Variants in MESP1 observed in about 807,000 individuals in gnomAD.
MESP1 encodes mesoderm posterior protein 1.
MESP1 carries 22 observed loss-of-function variants against 15.2 expected under a neutral mutation model. That is an observed-to-expected ratio of 1.45 (90% confidence interval 1.04 to 2.07). MESP1 has a LOEUF of 2.07. Among genes scored for constraint, MESP1 ranks in the 30% most tolerant of loss-of-function variants. MESP1 has a pLI of 0.00. For missense variants in MESP1, 484 were observed against 411.9 expected (o/e 1.17, Z -1.51); for synonymous variants, 216 against 192.6 (o/e 1.12, Z -1.01).
the MESP1 span, among the ~76,000 whole-genome samples, chr15:89,735,739 A>G: frequency 2.0e-5 from 3 of 152,256 alleles, no homozygotes; most frequent in Admixed American, 2.0e-4. Flanking sequence ...TCATTTGGGA[A>G]GACAGAGAAG....
chr15:89,736,343 G>A, the MESP1 span, among the ~76,000 whole-genome samples: 1 of 152,172 alleles, frequency 6.6e-6, no homozygotes, highest in Non-Finnish European at 1.5e-5. Context: ...CGGAGGGTGA[G>A]GGGCCTACAG....
downstream of MESP1, chr15:89,748,594 A>T (rs1386742099): frequency 6.6e-6 from 1 of 152,278 alleles, no homozygotes; most frequent in Non-Finnish European, 1.5e-5. Flanking sequence ...CGAAGTTCTG[A>T]CACAGGAGGC....
chr15:89,750,346 G>T, intron 1 of MESP1, 119 bp from the exon 2 acceptor site: 1 of 1,514,122 alleles, frequency 6.6e-7, no homozygotes. Context: ...TCCTCTGCGT[G>T]GCCTTTCCCT....
downstream of MESP1, chr15:89,748,895 G>GA (rs1968025806): frequency 6.6e-6 from 1 of 152,152 alleles, no homozygotes; most frequent in Non-Finnish European, 1.5e-5. Context: ...TATGGTATGT[G>GA]AATTGTATCC....
At chr15:89,735,596 T>C in the MESP1 span, 2 of 1,582,596 alleles carry the variant, frequency 1.3e-6, no homozygotes, top group Non-Finnish European at 1.7e-6. Flanking sequence ...ATGCCTCTCA[T>C]TTCTCTTCTG....
At chr15:89,748,241 C>A (rs1179009773), downstream of MESP1, among the ~76,000 whole-genome samples, 3 of 152,190 alleles carry the variant, frequency 2.0e-5, no homozygotes, top group African/African-American at 7.2e-5. Context: ...CCACTCTACC[C>A]CAGTTAGGGT....
At position 89,750,961 on chromosome 15, in the gene MESP1, C is replaced by G. The variant is rs754799126; in HGVS notation, c.271G>C (p.Glu91Gln). The G allele has an allele frequency of 1.4e-6, 2 of 1,443,394 alleles. No homozygotes were observed. Among genetic ancestry groups the G allele is most frequent in the African/African-American group, 2.9e-5 (2 of 68,006 alleles). 89.4% of individuals were successfully genotyped at this position (1,443,394 alleles called of 1,614,324 possible). A position where few individuals can be genotyped will look rare whatever the true frequency, so the allele number is the denominator to read the frequency against. The change falls in exon 1 of 2, where the codon GAG (glutamate) becomes CAG (glutamine). Residue 91 changes from glutamate to glutamine, a missense_variant. Transcript: ENST00000300057. Reference protein sequence around the residue: ...SGQRQSASEREKLRMRTLARA... With the variant: ...SGQRQSASERQKLRMRTLARA... ...GCCAGCGTGCGCATGCGCAGTTTCT[C>G]CCGCTCACTGGCGCTCTGCCTCTGC...
chr15:89,744,550 T>C, the MESP1 span, among the ~76,000 whole-genome samples: 2 of 152,240 alleles, frequency 1.3e-5, no homozygotes, highest in African/African-American at 2.4e-5. Flanking sequence ...ATTTAAGCTT[T>C]AAGCAACCTT....
intron 1 of MESP1, 111 bp from the exon 2 acceptor site, chr15:89,750,338 C>T (rs2141754599): frequency 1.3e-6 from 2 of 1,531,706 alleles, no homozygotes; most frequent in Non-Finnish European, 1.8e-6. Flanking sequence ...AGACCCAGTC[C>T]TCTGCGTGGC....
At position 89,751,030 on chromosome 15, in the gene MESP1, A is replaced by C; in HGVS notation, c.202T>G (p.Ser68Ala). 1 of 1,349,314 alleles carries C rather than the reference A, an allele frequency of 7.4e-7. No individual in the cohort carries two copies. 83.6% of individuals were successfully genotyped at this position (1,349,314 alleles called of 1,614,324 possible). A position where few individuals can be genotyped will look rare whatever the true frequency, so the allele number is the denominator to read the frequency against. Residue 68 changes from serine (S) to alanine (A), a missense_variant, in exon 1 of 2, where the codon TCC (serine) becomes GCC (alanine). Ser to Ala is a moderately conservative substitution (Grantham distance 99, BLOSUM62 1). Transcript: ENST00000300057. ...CTGCGCGCGCCGCGCCTACCTACGGAGGGGGCGCGGGGGTCCCGGAGGGTG... is the reference window on the plus strand; with the variant it reads ...CTGCGCGCGCCGCGCCTACCTACGGCGGGGGCGCGGGGGTCCCGGAGGGTG... ...PGTLRDPRAP[S>A]VGRRGARSSR...
At chr15:89,736,104 G>C in the MESP1 span, among the ~76,000 whole-genome samples, 1 of 152,222 alleles carries the variant, frequency 6.6e-6, no homozygotes, top group Non-Finnish European at 1.5e-5. Flanking sequence ...GTGTGGGATG[G>C]GGCTCAAACA....
downstream of MESP1, among the ~76,000 whole-genome samples, chr15:89,747,003 A>C (rs1286359302): frequency 7.3e-6 from 1 of 137,154 alleles, no homozygotes; most frequent in Admixed American, 7.4e-5. Context: ...CCACACACAC[A>C]CATATGCTCA....
At chr15:89,743,152 C>T in the MESP1 span, 1 of 756,176 alleles carries the variant, frequency 1.3e-6, no homozygotes, top group Non-Finnish European at 2.2e-6. Context: ...CCAGGCTGAG[C>T]CCTGAGGACA....
In MESP1 at chr15:89,751,010, C is replaced by T. The variant is rs2141756248; in HGVS notation, c.222G>A (p.Ala74=). The T allele has an allele frequency of 4.4e-6, 6 of 1,362,418 alleles. No homozygotes were observed. The highest frequency in any genetic ancestry group is 5.6e-6 in the Non-Finnish European group (6 of 1,065,336). 84.4% of individuals were successfully genotyped at this position (1,362,418 alleles called of 1,614,324 possible). A position where few individuals can be genotyped will look rare whatever the true frequency, so the allele number is the denominator to read the frequency against. The stretch of plus-strand genomic sequence containing the variant: ...GCCCGCTGCCCAGGCGGCTGCTGCG[C>T]GCGCCGCGCCTACCTACGGAGGGGG... ...PRAPSVGRRG[A]RSSRLGSGQR... Residue 74 remains alanine, a synonymous_variant, in exon 1 of 2, where the codon GCG becomes GCA. Coordinates refer to ENST00000300057, the MANE Select transcript of MESP1 (RefSeq NM_018670.4).
Position 89,751,156 on chromosome 15 carries a change from G to C in MESP1, c.76C>G (p.Pro26Ala). ...CGGCCGCAGTCCTTGTCGGAGGGCG[G>C]CGGCCGCCGAGTTGGGCCCCAGGCC... ...SAAWGPTRRPPPSDKDCGRSL... is the reference protein window; with the variant it reads ...SAAWGPTRRPAPSDKDCGRSL... The change falls in exon 1 of 2, where the codon CCG becomes GCG. Residue 26 changes from proline (P) to alanine (A), a missense_variant. Transcript: ENST00000300057. The C allele has an allele frequency of 7.9e-7, 1 of 1,266,346 alleles. No homozygotes were observed. The highest frequency in any genetic ancestry group is 9.9e-7 in the Non-Finnish European group (1 of 1,009,058). The allele number at this position is 1,266,346 out of a possible 1,614,324, so 78.4% of individuals were successfully genotyped here.
At chr15:89,748,232 C>T (rs1968009800), downstream of MESP1, among the ~76,000 whole-genome samples, 2 of 152,230 alleles carry the variant, frequency 1.3e-5, no homozygotes, top group Non-Finnish European at 2.9e-5. Context: ...GAAAACTTCC[C>T]ACTCTACCCC....
chr15:89,736,578 G>A, the MESP1 span, among the ~76,000 whole-genome samples: 1 of 152,042 alleles, frequency 6.6e-6, no homozygotes, highest in African/African-American at 2.4e-5. Context: ...AGGGAAAACT[G>A]CATGGGGACA....
Position 89,750,927 on chromosome 15 carries a change from A to C in MESP1, c.305T>G (p.Leu102Arg). The change falls in exon 1 of 2, where the codon CTG (leucine) becomes CGG (arginine). Residue 102 changes from leucine (L) to arginine (R), a missense_variant. By Grantham distance (102) the Leu-to-Arg change is moderately radical. Coordinates refer to ENST00000300057, the MANE Select transcript of MESP1 (RefSeq NM_018670.4). ...KLRMRTLARA[L>R]HELRRFLPPS... Reference sequence around the variant, plus strand: ...CGGTAGAAAGCGGCGCAGCTCGTGCAGGGCGCGGGCCAGCGTGCGCATGCG... The same window carrying C: ...CGGTAGAAAGCGGCGCAGCTCGTGCCGGGCGCGGGCCAGCGTGCGCATGCG... The C allele has an allele frequency of 1.4e-6, 2 of 1,469,524 alleles. No individual in the cohort carries two copies. The highest frequency in any genetic ancestry group is 1.8e-6 in the Non-Finnish European group (2 of 1,114,306). 91.0% of individuals were successfully genotyped at this position (1,469,524 alleles called of 1,614,324 possible). A position where few individuals can be genotyped will look rare whatever the true frequency, so the allele number is the denominator to read the frequency against.
chr15:89,748,904 C>T (rs1968026011), downstream of MESP1: 1 of 152,120 alleles, frequency 6.6e-6, no homozygotes, highest in Non-Finnish European at 1.5e-5. Context: ...TGAATTGTAT[C>T]CTAATAAAGC....
Sources: allele counts gnomAD v4.1 joint callset (sites outside exome capture counted in the v4.1 genomes callset), GRCh38; gene constraint gnomAD v4.1.1; transcripts MANE v1.5; gene names NCBI Gene and HGNC (gene_info 2026-07-23, HGNC 2026-07-21).